AGBL4: variants seen among roughly 807,000 people sequenced by gnomAD.
AGBL4 encodes cytosolic carboxypeptidase 6.
Under a neutral mutation model 66.4 loss-of-function variants are expected in AGBL4, and 58 were observed. The ratio of observed to expected loss-of-function variants is 0.87; its 90% CI spans 0.71 to 1.09. The LOEUF (loss-of-function observed/expected upper bound fraction) is 1.09, where lower values mean the gene tolerates loss of function less well. Ranked by LOEUF, AGBL4 falls within the 50% of genes least tolerant of loss-of-function variation. The pLI is 0.00. For synonymous variants in AGBL4, 234 were observed against 222.9 expected (o/e 1.05, Z -0.44); for missense variants, 579 against 631.0 (o/e 0.92, Z 0.88).
chr1:48,933,478 C>G (rs1047506808), intron 5 of AGBL4, among the ~76,000 whole-genome samples: 1 of 152,116 alleles, frequency 6.6e-6, no homozygotes, highest in African/African-American at 2.4e-5. Flanking sequence ...AGCTTTTATT[C>G]ATCAGACATG....
At chr1:49,925,108 T>C (rs1363096262) in intron 1 of AGBL4, among the ~76,000 whole-genome samples, 1 of 152,170 alleles carries the variant, frequency 6.6e-6, no homozygotes, top group Admixed American at 6.5e-5. Flanking sequence ...GCAGTGTGGC[T>C]TGTAGCTCAT....
intron 3 of AGBL4, among the ~76,000 whole-genome samples, chr1:49,503,558 G>A (rs1299801244): frequency 6.6e-6 from 1 of 152,124 alleles, no homozygotes; most frequent in East Asian, 1.9e-4. Flanking sequence ...AAAGCAGCCA[G>A]GATGGATGCT....
intron 6 of AGBL4, among the ~76,000 whole-genome samples, chr1:48,828,043 C>CACACAA (rs1491440043): frequency 2.2e-5 from 3 of 137,108 alleles, no homozygotes; most frequent in African/African-American, 8.2e-5. Context: ...CACACACACA[C>CACACAA]AAATTAGCCG....
chr1:49,721,110 A>G (rs1648571657), intron 2 of AGBL4, among the ~76,000 whole-genome samples: 1 of 152,146 alleles, frequency 6.6e-6, no homozygotes, highest in African/African-American at 2.4e-5. Flanking sequence ...AAACGCACCA[A>G]TCAGTGCTCT....
chr1:49,517,402 G>T (rs909458019), intron 3 of AGBL4, among the ~76,000 whole-genome samples: 4 of 151,748 alleles, frequency 2.6e-5, no homozygotes, highest in African/African-American at 9.7e-5. Context: ...ATATATAAAA[G>T]AAGAATTTTC....
intron 6 of AGBL4, among the ~76,000 whole-genome samples, chr1:48,732,683 A>G (rs1648336073): frequency 6.6e-6 from 1 of 152,068 alleles, no homozygotes; most frequent in South Asian, 2.1e-4. Context: ...AGCAAATGGG[A>G]AGTGTGGTAT....
chr1:49,676,862 T>G (rs1646588482), intron 3 of AGBL4, among the ~76,000 whole-genome samples: 1 of 152,076 alleles, frequency 6.6e-6, no homozygotes, highest in Non-Finnish European at 1.5e-5. Context: ...CTATGCTCTT[T>G]CCATTATGTA....
chr1:49,510,086 G>C (rs1448502574), intron 3 of AGBL4, among the ~76,000 whole-genome samples: 1 of 151,922 alleles, frequency 6.6e-6, no homozygotes, highest in East Asian at 1.9e-4. Context: ...AAGAGGGTAA[G>C]TAGCTCAGGA....
chr1:48,814,875 T>C (rs1370761865), intron 6 of AGBL4, among the ~76,000 whole-genome samples: 1 of 152,186 alleles, frequency 6.6e-6, no homozygotes. Flanking sequence ...GGTGCAGATG[T>C]CTTTTTGATA....
intron 1 of AGBL4, among the ~76,000 whole-genome samples, chr1:49,999,207 A>T (rs1226836637): frequency 4.6e-5 from 7 of 152,030 alleles, no homozygotes; most frequent in Non-Finnish European, 1.0e-4. Flanking sequence ...AGCTCCTAGA[A>T]CTGATAAATG....
intron 1 of AGBL4, among the ~76,000 whole-genome samples, chr1:49,992,326 C>T (rs953772106): frequency 1.3e-4 from 20 of 150,942 alleles, no homozygotes; most frequent in African/African-American, 3.9e-4. Flanking sequence ...GAGGCGAGAC[C>T]GCGCCACTGC....
intron 2 of AGBL4, among the ~76,000 whole-genome samples, chr1:49,766,919 A>G (rs921605506): frequency 6.6e-6 from 1 of 152,160 alleles, no homozygotes; most frequent in African/African-American, 2.4e-5. Flanking sequence ...TAAATTTAGA[A>G]TGTACACAAT....
intron 3 of AGBL4, among the ~76,000 whole-genome samples, chr1:49,695,821 T>C (rs1280656055): frequency 2.0e-5 from 3 of 152,116 alleles, no homozygotes; most frequent in Non-Finnish European, 4.4e-5. Flanking sequence ...CTTGTGTCCA[T>C]GGTGTTGTAC....
At chr1:48,962,053 GA>G (rs1459812363) in intron 5 of AGBL4, among the ~76,000 whole-genome samples, 2 of 152,058 alleles carry the variant, frequency 1.3e-5, no homozygotes, top group African/African-American at 4.8e-5. Context: ...TAGAACCACA[GA>G]CTTAGACCAC....
chr1:49,513,663 T>C (rs1429964845), intron 3 of AGBL4, among the ~76,000 whole-genome samples: 6 of 152,060 alleles, frequency 3.9e-5, no homozygotes, highest in African/African-American at 4.8e-5. Flanking sequence ...GAAACATTCC[T>C]TTCATTACAG....
chr1:49,548,757 C>T (rs902716055), intron 3 of AGBL4, among the ~76,000 whole-genome samples: 5 of 151,984 alleles, frequency 3.3e-5, no homozygotes, highest in African/African-American at 1.2e-4. Flanking sequence ...TAAGTCCTTT[C>T]CTGGTTTTGG....
chr1:49,787,885 G>A (rs1029382315), intron 2 of AGBL4, among the ~76,000 whole-genome samples: 4 of 151,798 alleles, frequency 2.6e-5, no homozygotes, highest in Admixed American at 1.3e-4. Context: ...TGCGGGGAAG[G>A]GGGTGTCAGT....
intron 6 of AGBL4, among the ~76,000 whole-genome samples, chr1:48,831,102 C>A (rs1292047175): frequency 6.6e-6 from 1 of 152,166 alleles, no homozygotes; most frequent in Non-Finnish European, 1.5e-5. Context: ...CAGTAAAAGT[C>A]TCTCTGAGGA....
At chr1:49,893,096 T>C (rs1648816136) in intron 1 of AGBL4, among the ~76,000 whole-genome samples, 1 of 151,976 alleles carries the variant, frequency 6.6e-6, no homozygotes, top group Non-Finnish European at 1.5e-5. Context: ...GTGAAAGAAA[T>C]GGAAAATCAA....
Sources: gnomAD v4.1 joint callset for allele counts (sites outside exome capture counted in the v4.1 genomes callset) on GRCh38, gnomAD v4.1.1 for gene constraint, MANE v1.5 for transcripts, NCBI Gene and HGNC (gene_info 2026-07-23, HGNC 2026-07-21) for gene names.